AHCY: variants seen among roughly 807,000 people sequenced by gnomAD.
AHCY encodes the protein adenosylhomocysteinase.
A neutral mutation model predicts 45.4 loss-of-function variants in AHCY; 24 were observed. The ratio of observed to expected loss-of-function variants is 0.53; its 90% CI spans 0.38 to 0.74. The LOEUF (loss-of-function observed/expected upper bound fraction) is 0.74, where lower values mean the gene tolerates loss of function less well. Among genes scored for constraint, AHCY ranks in the 30% least tolerant of loss-of-function variants. The probability of loss-of-function intolerance (pLI) is 0.00; values close to 1 mark genes in which losing one functional copy is unlikely to be tolerated. For synonymous variants in AHCY, 245 were observed against 235.1 expected (o/e 1.04, Z -0.39); for missense variants, 449 against 594.1 (o/e 0.76, Z 2.54).
At chr20:34,306,374 T>G (rs1034569520), upstream of AHCY, among the ~76,000 whole-genome samples, 107 of 151,300 alleles carry the variant, frequency 7.1e-4, no homozygotes, top group Non-Finnish European at 1.2e-3. Context: ...CAGCTTCTTT[T>G]TTTTTTTTTT....
chr20:34,256,214 A>C, the AHCY span, among the ~76,000 whole-genome samples: 8 of 152,112 alleles, frequency 5.3e-5, no homozygotes, highest in Non-Finnish European at 1.0e-4. Flanking sequence ...GACTTGTGTA[A>C]CCTTATCTAT....
the AHCY span, among the ~76,000 whole-genome samples, chr20:34,257,331 C>T: frequency 6.6e-6 from 1 of 152,006 alleles, no homozygotes; most frequent in South Asian, 2.1e-4. Flanking sequence ...GTGATCCATT[C>T]GCTTCAGCCT....
Position 34,284,731 on chromosome 20 carries a change from G to A in AHCY, c.1167+709C>T, listed in dbSNP as rs1284236969. Among the ~76,000 whole-genome samples, 4 of 152,190 alleles carry A rather than the reference G, an allele frequency of 2.6e-5. No homozygotes were observed. In the East Asian group the frequency reaches 7.7e-4, roughly 29 times the overall value. ...CTAGCTACTCAAGAGGCTGAGGTGG[G>A]AGGATTGCTTGAACCCGGCAGGTGG... On this transcript the variant is annotated intron_variant, in intron 9 of 9. Coordinates refer to ENST00000217426, the MANE Select transcript of AHCY (RefSeq NM_000687.4).
At chr20:34,284,212 T>G (rs2036095450) in intron 9 of AHCY, among the ~76,000 whole-genome samples, 1 of 151,846 alleles carries the variant, frequency 6.6e-6, no homozygotes. Flanking sequence ...CAGGCTGGAG[T>G]GCAGTGGCAC....
Position 34,280,998 on chromosome 20 carries a change from G to A in AHCY, c.*36C>T, listed in dbSNP as rs1246127348. The A allele has an allele frequency of 6.2e-7, 1 of 1,613,528 alleles. No individual in the cohort carries two copies. Among genetic ancestry groups the A allele is most frequent in the Admixed American group, 1.7e-5 (1 of 59,950 alleles). The stretch of plus-strand genomic sequence containing the variant: ...GGGAGGAGAGGTGGGGCCTGGGCAA[G>A]GACAGCAGCTGGAGGGTGAAACGCA... On this transcript the variant is annotated 3_prime_UTR_variant, in exon 10 of 10. Transcript: ENST00000217426.
the AHCY span, chr20:34,246,163 A>G: frequency 9.5e-7 from 1 of 1,047,716 alleles, no homozygotes; most frequent in South Asian, 1.4e-5. Context: ...CTCTTGTCAC[A>G]TGTTTCTTCT....
downstream of AHCY, among the ~76,000 whole-genome samples, chr20:34,276,840 G>A (rs961541555): frequency 6.6e-6 from 1 of 152,042 alleles, no homozygotes; most frequent in Non-Finnish European, 1.5e-5. Flanking sequence ...ATCGAAGCCC[G>A]CCCGGACCAC....
At chr20:34,277,315 C>T (rs1490375069), downstream of AHCY, among the ~76,000 whole-genome samples, 4 of 152,192 alleles carry the variant, frequency 2.6e-5, no homozygotes, top group East Asian at 7.7e-4. Flanking sequence ...TCCGTTTCTC[C>T]ACATACAAAT....
intron 3 of AHCY, among the ~76,000 whole-genome samples, chr20:34,292,742 T>C (rs548048340): frequency 6.6e-6 from 1 of 152,374 alleles, no homozygotes; most frequent in East Asian, 1.9e-4. Flanking sequence ...TTCACCTCTC[T>C]GAGCCTCAGT....
chr20:34,258,373 A>G, the AHCY span, among the ~76,000 whole-genome samples: 11 of 149,962 alleles, frequency 7.3e-5, no homozygotes, highest in South Asian at 2.1e-4. Flanking sequence ...AGAATCATTT[A>G]AAAATGTAAA....
chr20:34,243,570 A>C, the AHCY span, among the ~76,000 whole-genome samples: 1 of 152,130 alleles, frequency 6.6e-6, no homozygotes, highest in Non-Finnish European at 1.5e-5. Context: ...ACTGTGGAGC[A>C]CATGTTGATA....
intron 1 of AHCY, among the ~76,000 whole-genome samples, chr20:34,299,403 T>C (rs2036695110): frequency 6.6e-6 from 1 of 152,228 alleles, no homozygotes; most frequent in Admixed American, 6.5e-5. Flanking sequence ...TTGGCTTCTG[T>C]GACTGTCCTG....
rs2035968636 is a variant in AHCY, at chr20:34,280,617, T to A, written c.*417A>T. The A allele has an allele frequency of 1.1e-5, 3 of 282,954 alleles. No homozygotes were observed. Among genetic ancestry groups the A allele is most frequent in the Non-Finnish European group, 2.1e-5 (3 of 144,302 alleles). 17.5% of individuals were successfully genotyped at this position (282,954 alleles called of 1,614,324 possible). On this transcript the variant is annotated 3_prime_UTR_variant, in exon 10 of 10. Coordinates refer to ENST00000217426, the MANE Select transcript of AHCY (RefSeq NM_000687.4). ...CCTCTTTGCCCTTCAATATAGCCCC[T>A]TCTCATCTGTCATGGGCTGAAGAAC...
chr20:34,233,438 C>T, the AHCY span, among the ~76,000 whole-genome samples: 17 of 152,068 alleles, frequency 1.1e-4, no homozygotes, highest in Non-Finnish European at 2.4e-4. Context: ...TGAGCCACCG[C>T]GCCCGGCCCA....
downstream of AHCY, among the ~76,000 whole-genome samples, chr20:34,277,837 G>C (rs928897677): frequency 2.0e-5 from 3 of 151,132 alleles, no homozygotes; most frequent in Non-Finnish European, 4.4e-5. Flanking sequence ...ACAGCCATCT[G>C]AAGTAGGTAT....
downstream of AHCY, among the ~76,000 whole-genome samples, chr20:34,277,553 G>A (rs367866083): frequency 1.3e-5 from 2 of 151,848 alleles, no homozygotes; most frequent in African/African-American, 4.8e-5. Context: ...AGATCACGAG[G>A]TCAGGAGATC....
the AHCY span, among the ~76,000 whole-genome samples, chr20:34,258,700 A>ATATATATATATATACACACATAC: frequency 2.3e-3 from 180 of 77,912 alleles, 19 homozygotes; most frequent in Admixed American, 3.6e-3. Flanking sequence ...TACATACTAT[A>ATATATATATATATACACACATAC]TATATATATT....
At chr20:34,234,014 G>T in the AHCY span, among the ~76,000 whole-genome samples, 5 of 152,198 alleles carry the variant, frequency 3.3e-5, no homozygotes, top group African/African-American at 1.2e-4. Context: ...GGCATGTAGT[G>T]GTAGCTTCTG....
At chr20:34,294,862 C>T (rs1046465354) in intron 2 of AHCY, among the ~76,000 whole-genome samples, 4 of 152,140 alleles carry the variant, frequency 2.6e-5, no homozygotes, top group Non-Finnish European at 5.9e-5. Context: ...AGAGTGAATG[C>T]TGAAAAGAAA....
Sources: gnomAD v4.1 joint callset for allele counts (sites outside exome capture counted in the v4.1 genomes callset) on GRCh38, gnomAD v4.1.1 for gene constraint, MANE v1.5 for transcripts, NCBI Gene and HGNC (gene_info 2026-07-23, HGNC 2026-07-21) for gene names.